ATF6: variants seen among roughly 807,000 people sequenced by gnomAD.
ATF6 encodes the protein activating transcription factor 6.
A neutral mutation model predicts 83.6 loss-of-function variants in ATF6; 53 were observed. That is an observed-to-expected ratio of 0.63 (90% CI 0.51 to 0.80). ATF6 has a LOEUF of 0.80. Ranked by LOEUF, ATF6 falls within the 30% of genes least tolerant of loss-of-function variation. ATF6 has a pLI of 0.00. For synonymous variants in ATF6, 288 were observed against 285.8 expected (o/e 1.01, Z -0.08); for missense variants, 744 against 797.9 (o/e 0.93, Z 0.81).
chr1:161,790,617 C>T (rs1200661774), intron 4 of ATF6, among the ~76,000 whole-genome samples: 1 of 152,024 alleles, frequency 6.6e-6, no homozygotes, highest in Non-Finnish European at 1.5e-5. Flanking sequence ...TTAGAGCAGC[C>T]CAGCCAACAT....
intron 12 of ATF6, among the ~76,000 whole-genome samples, chr1:161,854,800 A>C (rs1455982599): frequency 1.3e-5 from 2 of 151,826 alleles, no homozygotes; most frequent in African/African-American, 4.8e-5. Flanking sequence ...TGAACTTGGG[A>C]GACGGAGCTT....
intron 14 of ATF6, among the ~76,000 whole-genome samples, chr1:161,866,794 A>C (rs1687011815): frequency 6.6e-6 from 1 of 152,058 alleles, no homozygotes; most frequent in South Asian, 2.1e-4. Flanking sequence ...GTTGCCCAGG[A>C]TGGAGTGCAG....
At chr1:161,873,847 A>AT (rs1687161709) in intron 14 of ATF6, among the ~76,000 whole-genome samples, 1 of 151,596 alleles carries the variant, frequency 6.6e-6, no homozygotes, top group South Asian at 2.1e-4. Flanking sequence ...AATACATGGT[A>AT]TATCAGGCAT....
intron 9 of ATF6, among the ~76,000 whole-genome samples, chr1:161,844,506 T>G (rs921442018): frequency 1.3e-5 from 2 of 152,016 alleles, no homozygotes; most frequent in Non-Finnish European, 2.9e-5. Flanking sequence ...ATAATTAGGG[T>G]GGTAGAGATA....
At chr1:161,909,626 A>G (rs537813988) in intron 14 of ATF6, among the ~76,000 whole-genome samples, 2 of 152,322 alleles carry the variant, frequency 1.3e-5, no homozygotes, top group African/African-American at 2.4e-5. Context: ...AGTGCTGAAT[A>G]CATGACAGGA....
intron 7 of ATF6, among the ~76,000 whole-genome samples, chr1:161,818,062 C>A (rs2101780652): frequency 6.7e-6 from 1 of 150,264 alleles, no homozygotes; most frequent in East Asian, 1.9e-4. Flanking sequence ...GATCTCCCCA[C>A]CGTACTCCAG....
intron 3 of ATF6, among the ~76,000 whole-genome samples, chr1:161,782,392 A>G (rs1332576778): frequency 6.6e-6 from 1 of 152,166 alleles, no homozygotes; most frequent in Non-Finnish European, 1.5e-5. Context: ...ACTTCTAAGA[A>G]GGGGCAGCAC....
chr1:161,782,036 AT>A (rs758122208), intron 3 of ATF6, 37 bp downstream of exon 3: 2 of 1,430,816 alleles, frequency 1.4e-6, no homozygotes, highest in East Asian at 4.7e-5. Flanking sequence ...TTTTAAAAAG[AT>A]CAATTTTATT....
chr1:161,876,665 T>A (rs1238068639), intron 14 of ATF6, among the ~76,000 whole-genome samples: 1 of 152,032 alleles, frequency 6.6e-6, no homozygotes, highest in Non-Finnish European at 1.5e-5. Flanking sequence ...GACAAGAAGA[T>A]AGATTATTCA....
chr1:161,785,630 A>C (rs1057082620), intron 4 of ATF6, among the ~76,000 whole-genome samples: 3 of 152,086 alleles, frequency 2.0e-5, no homozygotes, highest in African/African-American at 7.2e-5. Context: ...TCTTTTCCAG[A>C]CTCAAATAAC....
rs185787174 is a variant in ATF6 at position 161,814,575 on chromosome 1, G to C, written c.910-5058G>C. ...ATAATCTGCCAAATAAATGGTTCAGGTTGCCAGTATGAAGCTTCTTTAATT... is the reference window on the plus strand; with the variant it reads ...ATAATCTGCCAAATAAATGGTTCAGCTTGCCAGTATGAAGCTTCTTTAATT... On this transcript the variant is annotated intron_variant, in intron 7 of 15. Coordinates refer to ENST00000367942, the MANE Select transcript of ATF6 (RefSeq NM_007348.4). 4.6e-5 allele frequency among the ~76,000 whole-genome samples: 7 copies of C among 152,268 alleles called. No homozygotes were observed. In the East Asian group the frequency reaches 1.3e-3, roughly 29 times the overall value.
chr1:161,828,345 T>C (rs1488610398), intron 9 of ATF6, among the ~76,000 whole-genome samples: 1 of 152,070 alleles, frequency 6.6e-6, no homozygotes, highest in African/African-American at 2.4e-5. Context: ...GGAGACAAAG[T>C]AAGGGCTTCT....
intron 14 of ATF6, among the ~76,000 whole-genome samples, chr1:161,867,608 C>T (rs981114456): frequency 7.2e-5 from 11 of 152,276 alleles, no homozygotes; most frequent in East Asian, 5.8e-4. Flanking sequence ...CTCTTTGAAT[C>T]AGATGGCTGT....
chr1:161,887,407 A>C (rs779877186), intron 14 of ATF6, among the ~76,000 whole-genome samples: 1 of 152,134 alleles, frequency 6.6e-6, no homozygotes, highest in African/African-American at 2.4e-5. Flanking sequence ...CTCACTACCA[A>C]GTGTTCATAA....
At chr1:161,950,433 G>A (rs1035790851) in intron 15 of ATF6, among the ~76,000 whole-genome samples, 3 of 152,194 alleles carry the variant, frequency 2.0e-5, no homozygotes, top group Non-Finnish European at 4.4e-5. Flanking sequence ...CAGAGGTTTG[G>A]TCCTTAATCT....
intron 15 of ATF6, among the ~76,000 whole-genome samples, chr1:161,941,578 G>A (rs1024216066): frequency 1.3e-5 from 2 of 152,154 alleles, no homozygotes; most frequent in Non-Finnish European, 1.5e-5. Context: ...CTTTAGCCGG[G>A]CTCCGCTCCC....
In ATF6 at chr1:161,766,385, G is replaced by C; in HGVS notation, c.25G>C (p.Gly9Arg). MGEPAGVA[G>R]TMESPFSPGL... ...AATGGGGGAGCCGGCTGGGGTTGCCGGCACCATGGAGTCACCTTTTAGCCC... is the reference window on the plus strand; with the variant it reads ...AATGGGGGAGCCGGCTGGGGTTGCCCGCACCATGGAGTCACCTTTTAGCCC... The change falls in exon 1 of 16, where the codon GGC becomes CGC. Residue 9 changes from glycine (G) to arginine (R), a missense_variant. By Grantham distance (125) the Gly-to-Arg change is moderately radical. Transcript: ENST00000367942. The C allele has an allele frequency of 6.2e-7, 1 of 1,612,926 alleles. No homozygotes were observed. Among genetic ancestry groups the C allele is most frequent in the Non-Finnish European group, 8.5e-7 (1 of 1,179,414 alleles).
rs112805729 is a variant in ATF6 at position 161,828,869 on chromosome 1, A to G, written c.1187+7708A>G. 9.9e-3 allele frequency among the ~76,000 whole-genome samples: 1,504 copies of G among 152,274 alleles called. 8 individuals are homozygous for G. The highest frequency in any genetic ancestry group is 0.017 in the South Asian group (84 of 4,822). On this transcript the variant is annotated intron_variant, in intron 9 of 15. Transcript: ENST00000367942. The stretch of plus-strand genomic sequence containing the variant: ...AGACACTTTATAAAAGAAAGTGTCC[A>G]TCCTAGAAAAACTGGAGACCCATCT...
chr1:161,770,848 G>A (rs1375591977), intron 1 of ATF6, among the ~76,000 whole-genome samples: 1 of 152,208 alleles, frequency 6.6e-6, no homozygotes, highest in Admixed American at 6.5e-5. Flanking sequence ...ATATCAAGGA[G>A]CACAATTGCT....
Sources: gnomAD v4.1 joint callset for allele counts (sites outside exome capture counted in the v4.1 genomes callset) on GRCh38, gnomAD v4.1.1 for gene constraint, MANE v1.5 for transcripts, NCBI Gene and HGNC (gene_info 2026-07-23, HGNC 2026-07-21) for gene names.